PDE4D: variants seen among roughly 807,000 people sequenced by gnomAD.
PDE4D encodes the protein 3',5'-cyclic-AMP phosphodiesterase 4D.
Under a neutral mutation model 87.4 loss-of-function variants are expected in PDE4D, and 24 were observed. That is an observed-to-expected ratio of 0.27 (90% CI 0.20 to 0.39). The LOEUF (loss-of-function observed/expected upper bound fraction) is 0.39, where lower values mean the gene tolerates loss of function less well. Among genes scored for constraint, PDE4D ranks in the 10% least tolerant of loss-of-function variants. The pLI is 1.00. For missense variants in PDE4D, 714 were observed against 1,041.0 expected (o/e 0.69, Z 4.32); for synonymous variants, 384 against 383.2 (o/e 1.00, Z -0.02).
chr5:60,402,752 G>A (rs1392902962), intron 1 of PDE4D, among the ~76,000 whole-genome samples: 2 of 152,206 alleles, frequency 1.3e-5, no homozygotes, highest in East Asian at 3.8e-4. Flanking sequence ...CCTAAGGGAT[G>A]TTTATAAACC....
chr5:59,669,676 T>A (rs1746862948), intron 1 of PDE4D, among the ~76,000 whole-genome samples: 1 of 152,186 alleles, frequency 6.6e-6, no homozygotes, highest in Admixed American at 6.5e-5. Context: ...CTGAAATACT[T>A]CATGGGAGAC....
intron 6 of PDE4D, among the ~76,000 whole-genome samples, chr5:59,034,739 T>G (rs1758194709): frequency 6.6e-6 from 1 of 152,202 alleles, no homozygotes; most frequent in East Asian, 1.9e-4. Flanking sequence ...AAAGCTGGCC[T>G]AAGTATATTT....
intron 1 of PDE4D, among the ~76,000 whole-genome samples, chr5:59,825,898 C>T (rs906583398): frequency 6.6e-6 from 1 of 152,126 alleles, no homozygotes; most frequent in South Asian, 2.1e-4. Flanking sequence ...ATTGAGCCTT[C>T]CTTCTCACCC....
At chr5:60,323,894 C>A (rs2149847434) in intron 1 of PDE4D, among the ~76,000 whole-genome samples, 1 of 150,776 alleles carries the variant, frequency 6.6e-6, no homozygotes, top group Admixed American at 6.6e-5. Context: ...CTAGTTAATG[C>A]CTATTTACTT....
chr5:60,187,140 G>T (rs1784845291), intron 1 of PDE4D, among the ~76,000 whole-genome samples: 1 of 152,160 alleles, frequency 6.6e-6, no homozygotes, highest in African/African-American at 2.4e-5. Flanking sequence ...GAAGATTAAA[G>T]AAAAATGCAC....
intron 5 of PDE4D, among the ~76,000 whole-genome samples, chr5:59,066,909 C>T (rs760295638): frequency 3.9e-5 from 6 of 152,044 alleles, no homozygotes; most frequent in African/African-American, 9.7e-5. Context: ...CCAAGTCTAC[C>T]GTGCCTTGAC....
rs1289249418 is a variant in PDE4D at position 59,502,922 on chromosome 5, TTG to T, written c.456-286956_456-286955del. On this transcript the variant is annotated intron_variant, in intron 1 of 14. Coordinates refer to ENST00000340635, the MANE Select transcript of PDE4D (RefSeq NM_001104631.2). ...AGATTAGAAGGCTTTTTTTTTTTTT[TTG>T]CTGAAATTGCTTTTACTTGATTTCT... 4.4e-3 allele frequency among the ~76,000 whole-genome samples: 639 copies of T among 146,422 alleles called. 3 individuals carry two copies. Among genetic ancestry groups the T allele is most frequent in the African/African-American group, 0.016 (615 of 38,006 alleles).
intron 1 of PDE4D, among the ~76,000 whole-genome samples, chr5:60,444,822 G>T (rs1018515343): frequency 2.8e-4 from 43 of 151,666 alleles, no homozygotes; most frequent in African/African-American, 7.3e-5. Context: ...CGTTCTGGGG[G>T]GTCTGACTTT....
At chr5:60,381,313 T>C (rs536449141) in intron 1 of PDE4D, among the ~76,000 whole-genome samples, 13 of 152,330 alleles carry the variant, frequency 8.5e-5, no homozygotes, top group Non-Finnish European at 1.6e-4. Flanking sequence ...CACACGGTAT[T>C]GCTTGCAGAA....
chr5:59,350,010 C>T (rs2153586301), intron 1 of PDE4D, among the ~76,000 whole-genome samples: 1 of 152,150 alleles, frequency 6.6e-6, no homozygotes, highest in South Asian at 2.1e-4. Context: ...ATGGGGCTTT[C>T]CTTCAATTTT....
At chr5:59,149,706 GTTTTTTTT>G (rs76421367) in intron 5 of PDE4D, among the ~76,000 whole-genome samples, 4 of 69,278 alleles carry the variant, frequency 5.8e-5, no homozygotes, top group Non-Finnish European at 1.0e-4. Context: ...CTCTCCTCGA[GTTTTTTTT>G]TTTTTTTTTT....
intron 1 of PDE4D, among the ~76,000 whole-genome samples, chr5:59,593,109 GA>G (rs1444338364): frequency 2.0e-5 from 3 of 151,418 alleles, no homozygotes; most frequent in Non-Finnish European, 2.9e-5. Context: ...GGAAAAAAAA[GA>G]AAAAATACAA....
chr5:59,649,901 GA>G (rs1378705504), intron 1 of PDE4D, among the ~76,000 whole-genome samples: 1 of 24,768 alleles, frequency 4.0e-5, no homozygotes, highest in East Asian at 2.0e-3. Flanking sequence ...GATAGTTTGT[GA>G]ACCTTTTTTT....
intron 5 of PDE4D, among the ~76,000 whole-genome samples, chr5:59,080,067 C>T (rs1415386398): frequency 6.6e-6 from 1 of 152,104 alleles, no homozygotes; most frequent in Admixed American, 6.5e-5. Context: ...CACACGTTTC[C>T]CATGTTCCCA....
At chr5:59,403,280 C>T (rs535953440) in intron 1 of PDE4D, among the ~76,000 whole-genome samples, 3 of 152,070 alleles carry the variant, frequency 2.0e-5, no homozygotes, top group East Asian at 1.9e-4. Flanking sequence ...TTACTGCAAA[C>T]ATTTACCCTT....
chr5:60,248,004 G>A (rs1178090212), intron 1 of PDE4D, among the ~76,000 whole-genome samples: 1 of 151,924 alleles, frequency 6.6e-6, no homozygotes, highest in African/African-American at 2.4e-5. Flanking sequence ...CAAATGAAAT[G>A]GCCAATATTC....
chr5:59,822,994 C>T (rs1769882041), intron 1 of PDE4D, among the ~76,000 whole-genome samples: 1 of 152,154 alleles, frequency 6.6e-6, no homozygotes, highest in African/African-American at 2.4e-5. Context: ...AGAGTTATAC[C>T]CTGGTTTACA....
chr5:59,715,304 T>A (rs1754843765), intron 1 of PDE4D, among the ~76,000 whole-genome samples: 1 of 152,200 alleles, frequency 6.6e-6, no homozygotes, highest in Admixed American at 6.5e-5. Context: ...CCAGCAGTCC[T>A]AATGCAAGAT....
intron 2 of PDE4D, among the ~76,000 whole-genome samples, chr5:60,043,890 A>G (rs1269759473): frequency 6.6e-6 from 1 of 152,184 alleles, no homozygotes; most frequent in Non-Finnish European, 1.5e-5. Flanking sequence ...GTTTCACTGT[A>G]TCCAGAATTC....
Sources: allele counts gnomAD v4.1 joint callset (sites outside exome capture counted in the v4.1 genomes callset), GRCh38; gene constraint gnomAD v4.1.1; transcripts MANE v1.5; gene names NCBI Gene and HGNC (gene_info 2026-07-23, HGNC 2026-07-21).